CHDH: variants seen among roughly 807,000 people sequenced by gnomAD.
The protein encoded by CHDH is choline dehydrogenase, also known as choline dehydrogenase, mitochondrial.
CHDH carries 43 observed loss-of-function variants against 56.9 expected under a neutral mutation model. The ratio of observed to expected loss-of-function variants is 0.76; its 90% confidence interval spans 0.59 to 0.97. The LOEUF (loss-of-function observed/expected upper bound fraction) is 0.97, where lower values mean the gene tolerates loss of function less well. Among genes scored for constraint, CHDH ranks in the 50% least tolerant of loss-of-function variants. The pLI is 0.00. For synonymous variants in CHDH, 364 were observed against 348.5 expected (o/e 1.04, Z -0.50); for missense variants, 816 against 821.1 (o/e 0.99, Z 0.08).
chr3:53,836,800 G>A (rs1433531815), intron 2 of CHDH, among the ~76,000 whole-genome samples: 2 of 152,208 alleles, frequency 1.3e-5, no homozygotes, highest in African/African-American at 4.8e-5. Context: ...CCAACAGAAG[G>A]CACCCCCTGG....
At chr3:53,821,333 T>C (rs545339359) in intron 5 of CHDH, among the ~76,000 whole-genome samples, 1 of 152,266 alleles carries the variant, frequency 6.6e-6, no homozygotes, top group Non-Finnish European at 1.5e-5. Context: ...CCTCTCGCCA[T>C]AGAGCTGCCC....
intron 2 of CHDH, among the ~76,000 whole-genome samples, chr3:53,835,647 G>C (rs1055521021): frequency 2.0e-4 from 30 of 152,174 alleles, no homozygotes; most frequent in Non-Finnish European, 4.1e-4. Context: ...TGCTAGGCTG[G>C]GCTTTGTGTG....
intron 2 of CHDH, among the ~76,000 whole-genome samples, chr3:53,835,732 T>C (rs905000415): frequency 2.6e-5 from 4 of 152,136 alleles, no homozygotes; most frequent in African/African-American, 9.7e-5. Flanking sequence ...CAAACTGAGT[T>C]ATATTAACAG....
At position 53,817,411 on chromosome 3, in the gene CHDH, T is replaced by G. The variant is rs911475226; in HGVS notation, c.*366A>C. 3 of 231,134 alleles carry G rather than the reference T, an allele frequency of 1.3e-5. No homozygotes were observed. Among genetic ancestry groups the G allele is most frequent in the Non-Finnish European group, 2.5e-5 (3 of 118,360 alleles). 14.3% of individuals were successfully genotyped at this position (231,134 alleles called of 1,614,324 possible). A position where few individuals can be genotyped will look rare whatever the true frequency, so the allele number is the denominator to read the frequency against. On this transcript the variant is annotated 3_prime_UTR_variant, in exon 9 of 9. Coordinates refer to ENST00000315251, the MANE Select transcript of CHDH (RefSeq NM_018397.5). ...GGGTCTGGCAGGCACCCAGCCTCTG[T>G]GCATGGCCTGGGAAGGAACCACTGC...
chr3:53,823,993 G>C lies in CHDH; in HGVS notation c.16C>G (p.Arg6Gly), dbSNP rs1052196786. 1 of 1,487,692 alleles carries C rather than the reference G, an allele frequency of 6.7e-7. No individual in the cohort carries two copies. The highest frequency in any genetic ancestry group is 8.9e-7 in the Non-Finnish European group (1 of 1,128,792). The allele number at this position is 1,487,692 out of a possible 1,614,324, so 92.2% of individuals were successfully genotyped here. A position where few individuals can be genotyped will look rare whatever the true frequency, so the allele number is the denominator to read the frequency against. The part of the protein sequence containing the change: MWCLL[R>G]GLGRPGALAR... ...AGGGCTCCAGGCCGGCCCAGGCCTC[G>C]TAGGAGACACCACATGCTTCTATCT... The change falls in exon 3 of 9, where the codon CGA (arginine) becomes GGA (glycine). Residue 6 changes from arginine (R) to glycine (G), a missense_variant. Coordinates refer to ENST00000315251, the MANE Select transcript of CHDH (RefSeq NM_018397.5).
At chr3:53,832,023 T>C (rs1156379382) in intron 2 of CHDH, among the ~76,000 whole-genome samples, 1 of 151,846 alleles carries the variant, frequency 6.6e-6, no homozygotes, top group Non-Finnish European at 1.5e-5. Context: ...CCTTTGCACA[T>C]TGCTGGTAGG....
At chr3:53,839,142 T>A (rs906050766) in intron 2 of CHDH, among the ~76,000 whole-genome samples, 1 of 152,122 alleles carries the variant, frequency 6.6e-6, no homozygotes, top group African/African-American at 2.4e-5. Context: ...TTCACACACA[T>A]GAGGCAATTA....
At chr3:53,822,204 CTG>C (rs2095628259) in intron 4 of CHDH, among the ~76,000 whole-genome samples, 1 of 152,136 alleles carries the variant, frequency 6.6e-6, no homozygotes, top group East Asian at 1.9e-4. Context: ...CTATAGCTTT[CTG>C]TGACATCGGT....
At chr3:53,832,946 G>A (rs1185191686) in intron 2 of CHDH, among the ~76,000 whole-genome samples, 4 of 152,172 alleles carry the variant, frequency 2.6e-5, no homozygotes, top group Admixed American at 6.5e-5. Context: ...TCCTACATGC[G>A]ACTGAATTCT....
chr3:53,840,637 C>T (rs1334231969), intron 2 of CHDH, among the ~76,000 whole-genome samples: 1 of 152,142 alleles, frequency 6.6e-6, no homozygotes, highest in Non-Finnish European at 1.5e-5. Flanking sequence ...GAAGAGAACA[C>T]AAAATTCCCA....
chr3:53,822,535 G>C lies in CHDH; in HGVS notation c.811C>G (p.Arg271Gly), dbSNP rs778467138. Residue 271 changes from arginine (R) to glycine (G), a missense_variant, in exon 4 of 9, where the codon CGT (arginine) becomes GGT (glycine). Physicochemically the swap from Arg to Gly is moderately radical, Grantham distance 125. Coordinates refer to ENST00000315251, the MANE Select transcript of CHDH (RefSeq NM_018397.5). The part of the protein sequence containing the change: ...LVSRVLFEGT[R>G]AVGVEYVKNG... The stretch of plus-strand genomic sequence containing the variant: ...TTGACATACTCCACGCCCACTGCAC[G>C]GGTGCCCTCAAATAGCACCCTGCTC... 2.5e-6 allele frequency: 4 copies of C among 1,613,632 alleles called. No individual in the cohort carries two copies. The African/African-American group carries it at 5.3e-5, about 22-fold the overall frequency.
chr3:53,845,588 G>T (rs913698857), intron 1 of CHDH, among the ~76,000 whole-genome samples: 3 of 152,160 alleles, frequency 2.0e-5, no homozygotes, highest in Non-Finnish European at 4.4e-5. Context: ...TGTCTCAAAG[G>T]ATGGTCCCTG....
rs375844749 is a variant in CHDH, at chr3:53,831,025, G to A, written c.-59-6958C>T. On this transcript the variant is annotated intron_variant, in intron 2 of 8. Transcript: ENST00000315251. Reference sequence around the variant, plus strand: ...GCCTTTCCGGACCAACCCTGGGCCAGAGGGGAGCCCACTGCCCTGAAGGGT... The same window carrying A: ...GCCTTTCCGGACCAACCCTGGGCCAAAGGGGAGCCCACTGCCCTGAAGGGT... 1.7e-4 allele frequency among the ~76,000 whole-genome samples: 26 copies of A among 152,352 alleles called. No homozygotes were observed. In the East Asian group the frequency reaches 2.3e-3, roughly 14 times the overall value.
In CHDH at chr3:53,823,420, G is replaced by C; in HGVS notation, c.589C>G (p.Pro197Ala). ...LRVSRGKTNH[P>A]LHCAFLEATQ... ...GCCTCCAGGAATGCGCAGTGCAGCGGGTGGTTGGTCTTGCCCCGGGACACC... is the reference window on the plus strand; with the variant it reads ...GCCTCCAGGAATGCGCAGTGCAGCGCGTGGTTGGTCTTGCCCCGGGACACC... Residue 197 changes from proline (P) to alanine (A), a missense_variant, in exon 3 of 9, where the codon CCG becomes GCG. Physicochemically the swap from Pro to Ala is conservative, Grantham distance 27. Coordinates refer to ENST00000315251, the MANE Select transcript of CHDH (RefSeq NM_018397.5). 6.3e-7 allele frequency: 1 copy of C among 1,591,810 alleles called. No homozygotes were observed. The highest frequency in any genetic ancestry group is 8.6e-7 in the Non-Finnish European group (1 of 1,169,238).
chr3:53,819,707 C>T lies in CHDH; in HGVS notation c.1121-33G>A, dbSNP rs775433355. On this transcript the variant is annotated intron_variant, in intron 6 of 8. Transcript: ENST00000315251. This position sits in a 1 kb window ranked among gnomAD's most constrained non-coding sequence, Gnocchi z 5.4. ...GCAGAAGAGGATGAGGCAGAAGAGC[C>T]AGTCAGGCCGTGGCAGGTGGGCCGG... The T allele has an allele frequency of 2.3e-5, 36 of 1,541,620 alleles. No individual in the cohort carries two copies. The highest frequency in any genetic ancestry group is 1.6e-4 in the East Asian group (7 of 42,634).
chr3:53,827,845 T>C (rs2106969024), intron 2 of CHDH, among the ~76,000 whole-genome samples: 1 of 152,312 alleles, frequency 6.6e-6, no homozygotes, highest in South Asian at 2.1e-4. Context: ...GCAGTCCCAG[T>C]CAAAACCACA....
intron 2 of CHDH, among the ~76,000 whole-genome samples, chr3:53,831,734 C>A (rs1004291724): frequency 5.3e-5 from 8 of 152,200 alleles, no homozygotes; most frequent in African/African-American, 1.9e-4. Flanking sequence ...CTTGAATAGA[C>A]ATTTCTCTAA....
At chr3:53,840,807 A>G (rs1219113673) in intron 2 of CHDH, 122 bp downstream of exon 2, 1 of 152,258 alleles carries the variant, frequency 6.6e-6, no homozygotes, top group African/African-American at 2.4e-5. Flanking sequence ...CCTGGCCGAC[A>G]GCGAGGGATT....
intron 1 of CHDH, chr3:53,844,911 G>GCA (rs1698806745): frequency 6.6e-6 from 1 of 152,320 alleles, no homozygotes; most frequent in Non-Finnish European, 1.5e-5. Context: ...TTTTCATCTG[G>GCA]GCTTCCGCAG....
Sources: allele counts gnomAD v4.1 joint callset (sites outside exome capture counted in the v4.1 genomes callset), GRCh38; gene constraint gnomAD v4.1.1; non-coding constraint Gnocchi (gnomAD v3.1); transcripts MANE v1.5; gene names NCBI Gene and HGNC (gene_info 2026-07-23, HGNC 2026-07-21).